CHL1: variants seen among roughly 807,000 people sequenced by gnomAD.
The protein encoded by CHL1 is cell adhesion molecule L1 like.
A neutral mutation model predicts 141.9 loss-of-function variants in CHL1; 96 were observed. The ratio of observed to expected loss-of-function variants is 0.68; its 90% CI spans 0.57 to 0.80. CHL1 has a LOEUF of 0.80. Ranked by LOEUF, CHL1 falls within the 30% of genes least tolerant of loss-of-function variation. The pLI, the probability that CHL1 is intolerant of heterozygous loss-of-function variation, is 0.00. For missense variants in CHL1, 1,820 were observed against 1,457.2 expected (o/e 1.25, Z -4.05); for synonymous variants, 613 against 502.2 (o/e 1.22, Z -2.95).
chr3:310,493 G>C (rs1265587710), intron 2 of CHL1, among the ~76,000 whole-genome samples: 1 of 152,176 alleles, frequency 6.6e-6, no homozygotes, highest in Non-Finnish European at 1.5e-5. Context: ...ATATATTTTT[G>C]AAGTTGATTT....
intron 2 of CHL1, among the ~76,000 whole-genome samples, chr3:303,521 G>C (rs941886867): frequency 3.3e-5 from 5 of 152,158 alleles, no homozygotes; most frequent in African/African-American, 1.2e-4. Flanking sequence ...GTTCACTCAT[G>C]ATTTGGCTCT....
intron 1 of CHL1, among the ~76,000 whole-genome samples, chr3:224,316 T>A (rs1473447049): frequency 6.6e-6 from 1 of 152,162 alleles, no homozygotes; most frequent in Non-Finnish European, 1.5e-5. Context: ...AGAAGCAAGA[T>A]GGAGTCAGCT....
intron 2 of CHL1, among the ~76,000 whole-genome samples, chr3:296,770 A>G (rs34593132): frequency 7.2e-5 from 11 of 152,248 alleles, no homozygotes; most frequent in African/African-American, 2.7e-4. Flanking sequence ...TATAAACAAA[A>G]CACTGTAAGG....
At chr3:314,077 T>A (rs1169268990) in intron 2 of CHL1, among the ~76,000 whole-genome samples, 5 of 151,976 alleles carry the variant, frequency 3.3e-5, no homozygotes, top group African/African-American at 1.2e-4. Context: ...AAGAAAGTCT[T>A]TTTTTCTGTT....
At chr3:401,532 T>C in intron 26 of CHL1, 94 bp from the exon 27 acceptor site, 1 of 712,478 alleles carries the variant, frequency 1.4e-6, no homozygotes. Context: ...TGAGCAATGC[T>C]GTTCTTACTG....
chr3:200,942 C>T (rs768392367), intron 1 of CHL1, among the ~76,000 whole-genome samples: 9 of 152,106 alleles, frequency 5.9e-5, no homozygotes, highest in South Asian at 2.1e-4. Context: ...TTATGTGTGT[C>T]GCAATAGTGT....
chr3:275,193 C>G (rs1312618387), intron 2 of CHL1, among the ~76,000 whole-genome samples: 1 of 152,212 alleles, frequency 6.6e-6, no homozygotes, highest in Non-Finnish European at 1.5e-5. Flanking sequence ...TACACAGCTG[C>G]TAAGTGGTAG....
In CHL1 at chr3:391,709, A is replaced by G. The variant is rs1708241822; in HGVS notation, c.2826A>G (p.Lys942=). 1 of 1,606,176 alleles carries G rather than the reference A, an allele frequency of 6.2e-7. No homozygotes were observed. The highest frequency in any genetic ancestry group is 1.1e-5 in the South Asian group (1 of 89,846). ...AGCCAACTTTTCTAAAGGTCATCAAAGTTGATAAAGACACTGCCACTTTAT... is the reference window on the plus strand; with the variant it reads ...AGCCAACTTTTCTAAAGGTCATCAAGGTTGATAAAGACACTGCCACTTTAT... ...PEQPTFLKVI[K]VDKDTATLSW... The change falls in exon 23 of 28, where the codon AAA becomes AAG. Residue 942 remains lysine, a synonymous_variant. Transcript: ENST00000256509.
At chr3:391,273 TG>T (rs1708208248) in intron 22 of CHL1, 114 bp downstream of exon 22, 1 of 829,852 alleles carries the variant, frequency 1.2e-6, no homozygotes, top group South Asian at 1.7e-5. Flanking sequence ...CCCAGCACTT[TG>T]GGAGGCCAAG....
At chr3:255,094 G>A (rs1167540122) in intron 2 of CHL1, among the ~76,000 whole-genome samples, 1 of 152,134 alleles carries the variant, frequency 6.6e-6, no homozygotes, top group Non-Finnish European at 1.5e-5. Flanking sequence ...TTCAAGACTT[G>A]AAAGATTAAT....
chr3:386,065 A>C (rs1380236751), intron 19 of CHL1, among the ~76,000 whole-genome samples: 1 of 152,068 alleles, frequency 6.6e-6, no homozygotes, highest in East Asian at 1.9e-4. Flanking sequence ...TTCTGTATGG[A>C]TCATCCTGCG....
intron 2 of CHL1, among the ~76,000 whole-genome samples, chr3:299,770 C>G (rs372112134): frequency 6.6e-6 from 1 of 152,132 alleles, no homozygotes; most frequent in Non-Finnish European, 1.5e-5. Flanking sequence ...AGTGAAACAA[C>G]ACTAGGAGGA....
intron 1 of CHL1, among the ~76,000 whole-genome samples, chr3:207,857 G>C (rs1699573624): frequency 6.6e-6 from 1 of 152,110 alleles, no homozygotes; most frequent in Non-Finnish European, 1.5e-5. Flanking sequence ...GGGCTGAATA[G>C]ATTTTGAACA....
intron 24 of CHL1, 27 bp from the exon 25 acceptor site, chr3:398,200 C>T: frequency 3.4e-6 from 5 of 1,461,500 alleles, no homozygotes; most frequent in Non-Finnish European, 4.6e-6. Context: ...TTACAATTCA[C>T]ATGATTTAAC....
intron 23 of CHL1, among the ~76,000 whole-genome samples, chr3:393,257 A>T (rs893852481): frequency 1.5e-4 from 20 of 133,778 alleles, no homozygotes; most frequent in African/African-American, 5.2e-4. Flanking sequence ...AGTGTTAAGA[A>T]TGCAAAGCAA....
intron 1 of CHL1, chr3:213,180 C>T (rs1311337247): frequency 6.6e-6 from 1 of 152,200 alleles, no homozygotes; most frequent in African/African-American, 2.4e-5. Flanking sequence ...TTAACACCTA[C>T]TTGAGACTTT....
rs5845955 is a variant in CHL1 at position 239,595 on chromosome 3, A to ATATATATATATATAT, written c.-174-5018_-174-5017insTATATATATATATAT. On this transcript the variant is annotated intron_variant, in intron 1 of 27. Coordinates refer to ENST00000256509, the MANE Select transcript of CHL1 (RefSeq NM_006614.4). ...TAATTCATCTAAACAGTATATATAT[A>ATATATATATATATAT]AAATATATATATTTTAAAATTATTT... is the stretch of plus-strand genomic sequence containing the variant. Among the ~76,000 whole-genome samples the ATATATATATATATAT allele has an allele frequency of 7.9e-3, 1,159 of 146,188 alleles. 22 individuals carry two copies. The highest frequency in any genetic ancestry group is 0.045 in the Middle Eastern group (13 of 288).
At chr3:213,151 A>C (rs1024642674) in intron 1 of CHL1, 2 of 152,198 alleles carry the variant, frequency 1.3e-5, no homozygotes, top group Non-Finnish European at 2.9e-5. Context: ...AGAAAAGTTA[A>C]ATTGTTATTA....
At chr3:287,379 C>T (rs919278856) in intron 2 of CHL1, among the ~76,000 whole-genome samples, 2 of 152,102 alleles carry the variant, frequency 1.3e-5, no homozygotes, top group African/African-American at 4.8e-5. Context: ...TCCTGCAAAC[C>T]GTAATTGCCA....
Sources: gnomAD v4.1 joint callset for allele counts (sites outside exome capture counted in the v4.1 genomes callset) on GRCh38, gnomAD v4.1.1 for gene constraint, MANE v1.5 for transcripts, NCBI Gene and HGNC (gene_info 2026-07-23, HGNC 2026-07-21) for gene names.